The following SRGAP3 variants were observed in gnomAD, a reference collection of about 807,000 sequenced individuals.
SRGAP3 encodes the protein SLIT-ROBO Rho GTPase-activating protein 3.
In SRGAP3, 39 loss-of-function variants were observed where a neutral mutation model predicts 121.1. The observed-to-expected ratio is 0.32, with a 90% CI of 0.25 to 0.42. The LOEUF (loss-of-function observed/expected upper bound fraction) is 0.42. SRGAP3 is among the 10% of genes least tolerant of loss of function. The pLI is 1.00. For missense variants in SRGAP3, 1,213 were observed against 1,470.6 expected (o/e 0.82, Z 2.86); for synonymous variants, 601 against 570.0 (o/e 1.05, Z -0.77).
At chr3:9,120,757 G>A (rs1434994189) in intron 2 of SRGAP3, among the ~76,000 whole-genome samples, 1 of 152,198 alleles carries the variant, frequency 6.6e-6, no homozygotes, top group East Asian at 1.9e-4. Flanking sequence ...GTTAGAATTG[G>A]ATATGTGTTG....
intron 1 of SRGAP3, among the ~76,000 whole-genome samples, chr3:9,236,457 G>A (rs1953411575): frequency 6.6e-6 from 1 of 151,834 alleles, no homozygotes; most frequent in Non-Finnish European, 1.5e-5. Context: ...GGGGCTGGTG[G>A]GAGGTGATTG....
intron 1 of SRGAP3, among the ~76,000 whole-genome samples, chr3:9,359,582 C>T (rs1457285910): frequency 6.6e-6 from 1 of 152,200 alleles, no homozygotes; most frequent in African/African-American, 2.4e-5. Context: ...CCTCTCTGTG[C>T]AGCATTCCTT....
intron 1 of SRGAP3, among the ~76,000 whole-genome samples, chr3:9,340,168 T>C (rs543689722): frequency 2.6e-5 from 4 of 152,292 alleles, no homozygotes; most frequent in East Asian, 3.9e-4. Context: ...TCAGGTGATA[T>C]TTCCCAAGGT....
chr3:9,045,711 G>A lies in SRGAP3; in HGVS notation c.1408+1680C>T, dbSNP rs1017506489. On this transcript the variant is annotated intron_variant, in intron 10 of 21. Transcript: ENST00000383836. ...CACTATGCTTCTGCACCAAGAAGGC[G>A]TGGGCAGGCCACTGCACCAGGCCCA... 1.7e-4 allele frequency among the ~76,000 whole-genome samples: 26 copies of A among 152,284 alleles called. 1 individual carries two copies. The highest frequency in any genetic ancestry group is 3.4e-3 in the Middle Eastern group (1 of 294).
rs566949477 is a variant in SRGAP3, at chr3:9,237,766, G to C, written c.67+11119C>G. The stretch of plus-strand genomic sequence containing the variant: ...GGGGAGGGAAAGAGGTGAGCACAGC[G>C]TGGCTTTCTAAGTGCAGTTGAGGGG... On this transcript the variant is annotated intron_variant, in intron 1 of 21. Coordinates refer to ENST00000383836, the MANE Select transcript of SRGAP3 (RefSeq NM_014850.4). 3.3e-5 allele frequency among the ~76,000 whole-genome samples: 5 copies of C among 152,338 alleles called. No homozygotes were observed. In the East Asian group the frequency reaches 9.7e-4, roughly 29 times the overall value.
chr3:9,360,964 T>C (rs1389149856), intron 1 of SRGAP3, among the ~76,000 whole-genome samples: 2 of 152,258 alleles, frequency 1.3e-5, no homozygotes, highest in East Asian at 1.9e-4. Flanking sequence ...TTTTGTTTTT[T>C]ACTTTTAGTC....
intron 1 of SRGAP3, among the ~76,000 whole-genome samples, chr3:9,240,596 G>A (rs868637989): frequency 5.3e-5 from 8 of 152,114 alleles, no homozygotes; most frequent in African/African-American, 1.9e-4. Flanking sequence ...CTAGATGGTG[G>A]GCACTACGCT....
At chr3:9,340,935 A>C (rs1955776895) in intron 1 of SRGAP3, among the ~76,000 whole-genome samples, 1 of 152,178 alleles carries the variant, frequency 6.6e-6, no homozygotes, top group South Asian at 2.1e-4. Context: ...TAAGCAACAG[A>C]AATTTATTTT....
chr3:9,273,539 C>A (rs1384019421), intron 3 of SRGAP3, among the ~76,000 whole-genome samples: 1 of 152,182 alleles, frequency 6.6e-6, no homozygotes, highest in Non-Finnish European at 1.5e-5. Context: ...TTCCCCACTC[C>A]ATGATTGCCT....
Position 9,104,702 on chromosome 3 carries a change from T to C in SRGAP3, c.401A>G (p.Asp134Gly). Residue 134 changes from aspartate to glycine, a missense_variant, in exon 3 of 22, where the codon GAT becomes GGT. By Grantham distance (94) the Asp-to-Gly change is moderately conservative. This residue lies in a region of SRGAP3 where 793 missense variants were observed against 1,032.9 expected (regional missense o/e 0.77). Coordinates refer to ENST00000383836, the MANE Select transcript of SRGAP3 (RefSeq NM_014850.4). ...VIVRLSQISEDVIRLFKKSKE... is the reference protein window; with the variant it reads ...VIVRLSQISEGVIRLFKKSKE... Reference sequence around the variant, plus strand: ...TACCTTTTTGAAGAGTCTGATGACATCCTCACTGATCTGGGAGAGGCGGAC... The same window carrying C: ...TACCTTTTTGAAGAGTCTGATGACACCCTCACTGATCTGGGAGAGGCGGAC... The C allele has an allele frequency of 6.2e-7, 1 of 1,614,214 alleles. No homozygotes were observed. Among genetic ancestry groups the C allele is most frequent in the Non-Finnish European group, 8.5e-7 (1 of 1,180,024 alleles).
chr3:9,277,718 T>A (rs1954610801), intron 3 of SRGAP3, among the ~76,000 whole-genome samples: 2 of 151,886 alleles, frequency 1.3e-5, no homozygotes, highest in African/African-American at 4.8e-5. Context: ...AATGTGAAGG[T>A]TGCAGTGAGT....
chr3:9,164,939 C>T (rs1474778244), intron 1 of SRGAP3, among the ~76,000 whole-genome samples: 3 of 152,364 alleles, frequency 2.0e-5, no homozygotes, highest in South Asian at 2.1e-4. Context: ...CAACCCAGTG[C>T]CAGCCCAGTC....
At chr3:9,131,092 CCCAT>C (rs1949427673) in intron 1 of SRGAP3, among the ~76,000 whole-genome samples, 2 of 152,240 alleles carry the variant, frequency 1.3e-5, no homozygotes, top group South Asian at 4.1e-4. Context: ...ATTTCTAATT[CCCAT>C]CCAAGTTGCT....
chr3:9,320,563 C>T (rs1180019407), intron 3 of SRGAP3, among the ~76,000 whole-genome samples: 1 of 151,946 alleles, frequency 6.6e-6, no homozygotes, highest in Non-Finnish European at 1.5e-5. Flanking sequence ...TGATTGGAAG[C>T]TTCCTGAGGT....
intron 1 of SRGAP3, among the ~76,000 whole-genome samples, chr3:9,230,105 A>G (rs1203396775): frequency 6.6e-6 from 1 of 152,250 alleles, no homozygotes; most frequent in Non-Finnish European, 1.5e-5. Context: ...GTTGTGATTT[A>G]TTAATAACAA....
chr3:9,076,528 G>A (rs1946983702), intron 4 of SRGAP3, among the ~76,000 whole-genome samples: 1 of 152,156 alleles, frequency 6.6e-6, no homozygotes, highest in Non-Finnish European at 1.5e-5. Flanking sequence ...AGATCTGTCT[G>A]TGATCAGTGT....
intron 1 of SRGAP3, chr3:9,349,050 T>C (rs1484542233): frequency 1.2e-5 from 12 of 980,950 alleles, no homozygotes; most frequent in South Asian, 1.3e-5. Flanking sequence ...GAAGAGGCTA[T>C]CATGGAGCTG....
chr3:9,324,602 C>T (rs1364592202), intron 3 of SRGAP3, among the ~76,000 whole-genome samples: 1 of 151,798 alleles, frequency 6.6e-6, no homozygotes, highest in Non-Finnish European at 1.5e-5. Context: ...TTTCGTTTGT[C>T]GGGGCCTAGT....
intron 1 of SRGAP3, among the ~76,000 whole-genome samples, chr3:9,140,834 G>C (rs936779471): frequency 1.4e-4 from 21 of 152,176 alleles, no homozygotes; most frequent in African/African-American, 5.1e-4. Context: ...TAAGGGGAGA[G>C]GCAGTAAACT....
Sources: gnomAD v4.1 joint callset for allele counts (sites outside exome capture counted in the v4.1 genomes callset) on GRCh38, gnomAD v4.1.1 for gene constraint, gnomAD v4.1.1 regional missense constraint, MANE v1.5 for transcripts, NCBI Gene and HGNC (gene_info 2026-07-23, HGNC 2026-07-21) for gene names.